Variants in GLA observed in about 807,000 individuals in gnomAD.
GLA encodes the protein alpha-galactosidase A.
GLA carries 4 observed loss-of-function variants against 28.2 expected under a neutral mutation model. The ratio of observed to expected loss-of-function variants is 0.14; its 90% CI spans 0.07 to 0.32. The LOEUF (loss-of-function observed/expected upper bound fraction) is 0.32. Among genes scored for constraint, GLA ranks in the 10% least tolerant of loss-of-function variants. The probability of loss-of-function intolerance (pLI) is 1.00; values close to 1 mark genes in which losing one functional copy is unlikely to be tolerated. For synonymous variants in GLA, 94 were observed against 113.0 expected, an observed-to-expected ratio of 0.83 and a Z score of 1.07; for missense variants, 203 against 323.7, an observed-to-expected ratio of 0.63 and a Z score of 2.86.
chrX:101,398,987 A>C, intron 4 of GLA, 41 bp from the exon 5 acceptor site: 1 of 1,113,046 alleles, frequency 9.0e-7, no homozygotes, highest in Non-Finnish European at 1.2e-6. Flanking sequence ...CTTTCTACTA[A>C]CATCCTTGTG....
In GLA at chrX:101,400,882, G is replaced by C. The variant is rs2071396; in HGVS notation, c.548-125C>G. The C allele has an allele frequency of 0.068, 24,933 of 365,713 alleles. 1,530 individuals are homozygous for C. The highest frequency in any genetic ancestry group is 0.28 in the African/African-American group (10,700 of 37,697). 30.1% of individuals were successfully genotyped at this position (365,713 alleles called of 1,213,427 possible). The stretch of plus-strand genomic sequence containing the variant: ...GATGGGGTTCAGTCTGTCATCCAGG[G>C]TGGAGTGCAGTGGTGCGATCTTGGC... On this transcript the variant is annotated intron_variant, in intron 3 of 6. Coordinates refer to ENST00000218516, the MANE Select transcript of GLA (RefSeq NM_000169.3).
At chrX:101,406,318 A>C (rs1928517646) in intron 1 of GLA, among the ~76,000 whole-genome samples, 1 of 111,122 alleles carries the variant, frequency 9.0e-6, no homozygotes, top group South Asian at 3.7e-4. Context: ...GCCATTAGCC[A>C]AACATGACAT....
rs143833648 is a variant in GLA at position 101,399,478 on chromosome X, C to T, written c.640-532G>A. 7.3e-3 allele frequency among the ~76,000 whole-genome samples: 817 copies of T among 112,150 alleles called. 10 individuals carry two copies. Among genetic ancestry groups the T allele is most frequent in the Non-Finnish European group, 0.013 (667 of 53,204 alleles). On this transcript the variant is annotated intron_variant, in intron 4 of 6. Transcript: ENST00000218516. Reference sequence around the variant, plus strand: ...TACTGGGAGGCTGAGGCAAGAGAATCGCTTAAACCCGGGAGGCGGAGGTTG... The same window carrying T: ...TACTGGGAGGCTGAGGCAAGAGAATTGCTTAAACCCGGGAGGCGGAGGTTG...
intron 2 of GLA, among the ~76,000 whole-genome samples, chrX:101,402,992 T>C (rs2147479186): frequency 9.0e-6 from 1 of 110,670 alleles, no homozygotes; most frequent in East Asian, 2.9e-4. Flanking sequence ...AAGATGGGCC[T>C]CAAGAGCTAT....
chrX:101,401,956 C>T, intron 2 of GLA, 147 bp from the exon 3 acceptor site: 2 of 551,772 alleles, frequency 3.6e-6, no homozygotes. Context: ...CAAAATCATC[C>T]AGATGAGTTT....
At chrX:101,401,032 C>T (rs1928295806) in intron 3 of GLA, among the ~76,000 whole-genome samples, 1 of 110,574 alleles carries the variant, frequency 9.0e-6, no homozygotes, top group Non-Finnish European at 1.9e-5. Context: ...GATGGGGTTT[C>T]ACCATGTTGG....
intron 1 of GLA, 61 bp downstream of exon 1, chrX:101,407,649 T>C (rs1233724790): frequency 4.7e-6 from 5 of 1,059,257 alleles, no homozygotes; most frequent in Non-Finnish European, 6.6e-6. Context: ...ACTCTCCAGT[T>C]CCCCAAACAC....
At chrX:101,398,749 C>T (rs782718869) in intron 5 of GLA, 36 bp downstream of exon 5, 27 of 1,189,484 alleles carry the variant, frequency 2.3e-5, no homozygotes, top group Middle Eastern at 2.3e-4. Context: ...ACAAGCCTAC[C>T]GCAGGGTCTT....
In GLA at chrX:101,398,454, A is replaced by C. The variant is rs782250167; in HGVS notation, c.915T>G (p.Pro305=). 3.3e-6 allele frequency: 4 copies of C among 1,207,315 alleles called. No individual in the cohort carries two copies. Among genetic ancestry groups the C allele is most frequent in the Non-Finnish European group, 4.5e-6 (4 of 891,479 alleles). ...TATCCTGAAGGAGAGCTTTGGCTTG[A>C]GGGCTGATGTGTCGGAGGTCATTAG... is the stretch of plus-strand genomic sequence containing the variant. ...FMSNDLRHIS[P]QAKALLQDKD... Residue 305 remains proline (P), a synonymous_variant, in exon 6 of 7, where the codon CCT becomes CCG. Coordinates refer to ENST00000218516, the MANE Select transcript of GLA (RefSeq NM_000169.3).
rs869312211 is a variant in GLA, at chrX:101,398,083, A to G, written c.1016T>C (p.Val339Ala). ...YQLRQGDNFE[V>A]WERPLSGLAW... ...TAAGCCTGAGAGAGGTCGTTCCCAC[A>G]CTTCAAAGTTGTCTCCCTGAAAAAC... The change falls in exon 7 of 7, where the codon GTG becomes GCG. Residue 339 changes from valine (V) to alanine (A), a missense_variant. Physicochemically the swap from Val to Ala is moderately conservative, Grantham distance 64. Coordinates refer to ENST00000218516, the MANE Select transcript of GLA (RefSeq NM_000169.3). The G allele has an allele frequency of 2.5e-6, 3 of 1,209,923 alleles. No individual in the cohort carries two copies. Among genetic ancestry groups the G allele is most frequent in the Non-Finnish European group, 3.4e-6 (3 of 894,834 alleles).
intron 1 of GLA, among the ~76,000 whole-genome samples, chrX:101,404,566 C>CTTTTTT (rs1171364737): frequency 3.5e-4 from 28 of 79,186 alleles, no homozygotes; most frequent in African/African-American, 1.3e-3. Context: ...TCCTTTTTAT[C>CTTTTTT]TTTTTTTTTT....
chrX:101,401,423 G>A, intron 3 of GLA: 1 of 465,413 alleles, frequency 2.1e-6, no homozygotes, highest in Non-Finnish European at 3.8e-6. Context: ...CACAATATTA[G>A]CTATGGTTAG....
intron 5 of GLA, 29 bp from the exon 6 acceptor site, chrX:101,398,596 A>G: frequency 2.6e-6 from 3 of 1,147,571 alleles, no homozygotes; most frequent in Non-Finnish European, 3.6e-6. Context: ...TAATTCAAAC[A>G]AGAGAGGAGG....
Position 101,402,502 on chromosome X carries a change from T to C in GLA, c.370-693A>G, listed in dbSNP as rs781935862. Among the ~76,000 whole-genome samples the C allele has an allele frequency of 7.2e-5, 8 of 111,855 alleles. No individual in the cohort carries two copies. The South Asian group carries it at 3.0e-3, about 41-fold the overall frequency. ...TTCATCGGCCGGGCGTGGTGGCTCATGCCTGTAATCCCAGCACTTTGGGAG... is the reference window on the plus strand; with the variant it reads ...TTCATCGGCCGGGCGTGGTGGCTCACGCCTGTAATCCCAGCACTTTGGGAG... On this transcript the variant is annotated intron_variant, in intron 2 of 6. Transcript: ENST00000218516.
rs869312216 is a variant in GLA at position 101,398,068 on chromosome X, A to G, written c.1031T>C (p.Leu344Pro). ...GDNFEVWERP[L>P]SGLAWAVAMI... ...AGCTACAGCCCAGGCTAAGCCTGAG[A>G]GAGGTCGTTCCCACACTTCAAAGTT... The change falls in exon 7 of 7, where the codon CTC (leucine) becomes CCC (proline). Residue 344 changes from leucine (L) to proline (P), a missense_variant. Leu to Pro is a moderately conservative substitution (Grantham distance 98, BLOSUM62 -3). Transcript: ENST00000218516. 1 of 1,211,778 alleles carries G rather than the reference A, an allele frequency of 8.3e-7. No homozygotes were observed. Among genetic ancestry groups the G allele is most frequent in the Non-Finnish European group, 1.1e-6 (1 of 895,320 alleles).
chrX:101,406,546 TA>T (rs200177092), intron 1 of GLA, among the ~76,000 whole-genome samples: 17 of 110,238 alleles, frequency 1.5e-4, no homozygotes, highest in East Asian at 5.6e-4. Context: ...CAAATACCAA[TA>T]AAAAAAAATC....
intron 6 of GLA, 49 bp from the exon 7 acceptor site, chrX:101,398,148 C>A: frequency 9.1e-7 from 1 of 1,104,666 alleles, no homozygotes; most frequent in Non-Finnish European, 1.3e-6. Context: ...GATAAGTGGC[C>A]CTGTTAGTTT....
rs781811293 is a variant in GLA at position 101,407,886 on chromosome X, T to C, written c.18A>G (p.Pro6=). MQLRN[P]ELHLGCALAL... is the part of the protein sequence containing the mutation. ...CAAGCGCGCAGCCCAGATGTAGTTCTGGGTTCCTCAGCTGCATTGTCACGG... is the reference window on the plus strand; with the variant it reads ...CAAGCGCGCAGCCCAGATGTAGTTCCGGGTTCCTCAGCTGCATTGTCACGG... The change falls in exon 1 of 7, where the codon CCA becomes CCG. Residue 6 remains proline, a synonymous_variant. Coordinates refer to ENST00000218516, the MANE Select transcript of GLA (RefSeq NM_000169.3). 5 of 1,211,115 alleles carry C rather than the reference T, an allele frequency of 4.1e-6. No homozygotes were observed. The highest frequency in any genetic ancestry group is 3.0e-5 in the East Asian group (1 of 33,848).
intron 1 of GLA, among the ~76,000 whole-genome samples, chrX:101,404,811 C>CACTTG (rs1928444342): frequency 1.8e-5 from 2 of 110,580 alleles, no homozygotes; most frequent in African/African-American, 6.6e-5. Context: ...TCAAGTGATC[C>CACTTG]ACCTGCCTCA....
Sources: allele counts gnomAD v4.1 joint callset (sites outside exome capture counted in the v4.1 genomes callset), GRCh38; gene constraint gnomAD v4.1.1; transcripts MANE v1.5; gene names NCBI Gene and HGNC (gene_info 2026-07-23, HGNC 2026-07-21).